CEP128: variants seen among roughly 807,000 people sequenced by gnomAD.
The protein encoded by CEP128 is centrosomal protein 128kDa.
Under a neutral mutation model 156.7 loss-of-function variants are expected in CEP128, and 132 were observed. The observed-to-expected ratio is 0.84, with a 90% CI of 0.73 to 0.97. The LOEUF (loss-of-function observed/expected upper bound fraction) is 0.97. Among genes scored for constraint, CEP128 ranks in the 50% least tolerant of loss-of-function variants. CEP128 has a pLI of 0.00. For missense variants in CEP128, 1,252 were observed against 1,281.9 expected (o/e 0.98, Z 0.36); for synonymous variants, 469 against 448.9 (o/e 1.04, Z -0.57).
chr14:80,568,484 A>G (rs991240608), intron 20 of CEP128, among the ~76,000 whole-genome samples: 1 of 151,632 alleles, frequency 6.6e-6, no homozygotes, highest in Non-Finnish European at 1.5e-5. Flanking sequence ...TGTAATGGAG[A>G]CTCTTTCTTG....
At chr14:80,768,182 A>G (rs1312487570) in intron 16 of CEP128, among the ~76,000 whole-genome samples, 3 of 152,202 alleles carry the variant, frequency 2.0e-5, no homozygotes, top group Non-Finnish European at 4.4e-5. Context: ...GTGCTACAGT[A>G]AGTTAGTTCT....
At chr14:80,481,480 A>C (rs189539337) in intron 14 of CEP128, among the ~76,000 whole-genome samples, 24 of 152,308 alleles carry the variant, frequency 1.6e-4, no homozygotes, top group African/African-American at 5.8e-4. Context: ...ACCATACCAC[A>C]AGGCTTATAA....
At chr14:80,524,203 C>T (rs1485433936) in intron 23 of CEP128, among the ~76,000 whole-genome samples, 1 of 152,176 alleles carries the variant, frequency 6.6e-6, no homozygotes. Context: ...AACATGGTAG[C>T]TGTACAGTAT....
chr14:80,489,681 G>C (rs1887257363), downstream of CEP128, among the ~76,000 whole-genome samples: 1 of 150,164 alleles, frequency 6.7e-6, no homozygotes, highest in African/African-American at 2.5e-5. Context: ...ATGTGACTGA[G>C]GAGAAAGTGA....
chr14:80,528,734 T>C (rs919963045), intron 22 of CEP128, among the ~76,000 whole-genome samples: 2 of 152,204 alleles, frequency 1.3e-5, no homozygotes, highest in African/African-American at 4.8e-5. Flanking sequence ...GAGATAATAT[T>C]GTTCAGGTGC....
intron 2 of CEP128, among the ~76,000 whole-genome samples, chr14:80,918,109 C>T (rs144990253): frequency 1.3e-5 from 2 of 152,318 alleles, no homozygotes; most frequent in Non-Finnish European, 2.9e-5. Context: ...ATGTCACTCC[C>T]TCCCACCATA....
chr14:80,896,550 G>C (rs1309696385), intron 7 of CEP128, among the ~76,000 whole-genome samples: 1 of 152,126 alleles, frequency 6.6e-6, no homozygotes, highest in Non-Finnish European at 1.5e-5. Context: ...GTTACCTGTA[G>C]AGTTTTATGT....
At chr14:80,928,025 T>C (rs2139568350) in intron 2 of CEP128, among the ~76,000 whole-genome samples, 1 of 152,002 alleles carries the variant, frequency 6.6e-6, no homozygotes, top group Admixed American at 6.6e-5. Context: ...TCACACAGAG[T>C]CTTTGCCATT....
rs187299780 is a variant in CEP128, at chr14:80,520,741, A to G, written c.3072+6128T>C. Among the ~76,000 whole-genome samples, 532 of 152,336 alleles carry G rather than the reference A, an allele frequency of 3.5e-3. 4 individuals carry two copies. Among genetic ancestry groups the G allele is most frequent in the African/African-American group, 0.012 (501 of 41,580 alleles). ...ATACTCAAAAAAATGTGCCATTGACATAAGAAATAAAGGCAGGGATGCAAA... is the reference window on the plus strand; with the variant it reads ...ATACTCAAAAAAATGTGCCATTGACGTAAGAAATAAAGGCAGGGATGCAAA... On this transcript the variant is annotated intron_variant, in intron 23 of 24. Coordinates refer to ENST00000555265, the MANE Select transcript of CEP128 (RefSeq NM_152446.5).
intron 19 of CEP128, among the ~76,000 whole-genome samples, chr14:80,612,601 A>T (rs1342792230): frequency 6.6e-6 from 1 of 152,222 alleles, no homozygotes; most frequent in Non-Finnish European, 1.5e-5. Flanking sequence ...AATACTACAC[A>T]TCTTGGTAAC....
chr14:80,952,351 C>A (rs1886484862), intron 2 of CEP128, among the ~76,000 whole-genome samples: 1 of 152,056 alleles, frequency 6.6e-6, no homozygotes, highest in Admixed American at 6.5e-5. Flanking sequence ...AAATTAACAA[C>A]AGAATATCTG....
At chr14:80,683,870 G>C (rs902918275) in intron 19 of CEP128, among the ~76,000 whole-genome samples, 2 of 151,902 alleles carry the variant, frequency 1.3e-5, no homozygotes, top group African/African-American at 2.4e-5. Context: ...AATGACTTTT[G>C]GGTAAAAAAC....
At chr14:80,681,906 C>A (rs1388321893) in intron 19 of CEP128, among the ~76,000 whole-genome samples, 1 of 152,090 alleles carries the variant, frequency 6.6e-6, no homozygotes, top group Non-Finnish European at 1.5e-5. Flanking sequence ...GATTTTGAGA[C>A]CAGTCTGGGC....
chr14:80,932,791 T>G (rs976771825), intron 2 of CEP128, among the ~76,000 whole-genome samples: 2 of 152,028 alleles, frequency 1.3e-5, no homozygotes, highest in Non-Finnish European at 2.9e-5. Context: ...AAACCATCCT[T>G]CTCTCTGCCT....
intron 19 of CEP128, among the ~76,000 whole-genome samples, chr14:80,625,835 T>C (rs1465084870): frequency 6.6e-6 from 1 of 150,500 alleles, no homozygotes; most frequent in Non-Finnish European, 1.5e-5. Context: ...TCTCCCTTCT[T>C]TCTTTTTTCT....
chr14:80,822,962 C>T (rs1885271542), intron 13 of CEP128, among the ~76,000 whole-genome samples: 1 of 152,166 alleles, frequency 6.6e-6, no homozygotes, highest in Non-Finnish European at 1.5e-5. Flanking sequence ...GCATACGTCA[C>T]TAACAGAATG....
At chr14:80,841,759 G>A (rs901143838) in intron 9 of CEP128, among the ~76,000 whole-genome samples, 6 of 152,058 alleles carry the variant, frequency 3.9e-5, no homozygotes, top group East Asian at 3.9e-4. Context: ...CTGGCTGCCT[G>A]CCTCTTAACA....
intron 9 of CEP128, among the ~76,000 whole-genome samples, chr14:80,851,598 T>C (rs1425793044): frequency 2.0e-5 from 3 of 151,350 alleles, no homozygotes; most frequent in Admixed American, 1.3e-4. Flanking sequence ...AATGAATATA[T>C]AATATACTCC....
chr14:80,873,290 TGAAA>T (rs1330585565), intron 8 of CEP128, among the ~76,000 whole-genome samples: 4 of 152,350 alleles, frequency 2.6e-5, no homozygotes, highest in African/African-American at 9.6e-5. Flanking sequence ...AATAATTATG[TGAAA>T]GAGTTTGAGC....
Sources: gnomAD v4.1 joint callset for allele counts (sites outside exome capture counted in the v4.1 genomes callset) on GRCh38, gnomAD v4.1.1 for gene constraint, MANE v1.5 for transcripts, NCBI Gene and HGNC (gene_info 2026-07-23, HGNC 2026-07-21) for gene names.